The following FLG variants were observed in gnomAD, a reference collection of about 807,000 sequenced individuals.
FLG encodes the protein filaggrin.
A neutral mutation model predicts 3.8 loss-of-function variants in FLG; 6 were observed. The observed-to-expected ratio is 1.60, with a 90% CI of 0.87 to 3.15. The LOEUF (loss-of-function observed/expected upper bound fraction) is 3.15, where lower values mean the gene tolerates loss of function less well. Among genes scored for constraint, FLG ranks in the 30% most tolerant of loss-of-function variants. The pLI, the probability that FLG is intolerant of heterozygous loss-of-function variation, is 0.00. For synonymous variants in FLG, 2,551 were observed against 1,931.6 expected, an observed-to-expected ratio of 1.32 and a Z score of -8.41; for missense variants, 7,595 against 5,050.9, an observed-to-expected ratio of 1.50 and a Z score of -15.27.
In FLG at chr1:152,304,797, G is replaced by T. The variant is rs759647229; in HGVS notation, c.10089C>A (p.Pro3363=). Reference sequence around the variant, plus strand: ...CGGACTCTTGGTGGCTCTGCTGATGGGGCCCAGCCTGTCCATGGCCTGACA... The same window carrying T: ...CGGACTCTTGGTGGCTCTGCTGATGTGGCCCAGCCTGTCCATGGCCTGACA... ...QSVSGHGQAG[P]HQQSHQESAR... The change falls in exon 3 of 3, where the codon CCC becomes CCA. Residue 3363 remains proline, a synonymous_variant. Transcript: ENST00000368799. 1.4e-5 allele frequency: 23 copies of T among 1,613,664 alleles called. No individual in the cohort carries two copies. The East Asian group carries it at 4.9e-4, about 34-fold the overall frequency.
chr1:152,313,329 G>C lies in FLG; in HGVS notation c.1557C>G (p.His519Gln), dbSNP rs750014132. 9.9e-6 allele frequency: 16 copies of C among 1,613,326 alleles called. No homozygotes were observed. The South Asian group carries it at 1.6e-4, about 17-fold the overall frequency. ...SQEGQDTIRGHPGSSRGGRQG... is the reference protein window; with the variant it reads ...SQEGQDTIRGQPGSSRGGRQG... ...GCCTTCCTCCTCTGCTTGACCCCGG[G>C]TGTCCACGAATGGTGTCCTGACCCT... Residue 519 changes from histidine (H) to glutamine (Q), a missense_variant, in exon 3 of 3, where the codon CAC (histidine) becomes CAG (glutamine). Physicochemically the swap from His to Gln is conservative, Grantham distance 24. Coordinates refer to ENST00000368799, the MANE Select transcript of FLG (RefSeq NM_002016.2).
Position 152,302,920 on chromosome 1 carries a change from G to T in FLG, c.11966C>A (p.Ser3989Tyr), listed in dbSNP as rs974892377. The change falls in exon 3 of 3, where the codon TCC becomes TAC. Residue 3989 changes from serine (S) to tyrosine (Y), a missense_variant. By Grantham distance (144) the Ser-to-Tyr change is moderately radical. Coordinates refer to ENST00000368799, the MANE Select transcript of FLG (RefSeq NM_002016.2). Reference sequence around the variant, plus strand: ...TCCGTGCTGAGAGTGTCTAAACCCGGATTCACCATAATCATAATCTGCACT... The same window carrying T: ...TCCGTGCTGAGAGTGTCTAAACCCGTATTCACCATAATCATAATCTGCACT... Reference protein sequence around the residue: ...YGSADYDYGESGFRHSQHGSV... With the variant: ...YGSADYDYGEYGFRHSQHGSV... 3 of 1,614,036 alleles carry T rather than the reference G, an allele frequency of 1.9e-6. No individual in the cohort carries two copies. Among genetic ancestry groups the T allele is most frequent in the African/African-American group, 1.3e-5 (1 of 74,902 alleles).
chr1:152,312,990 T>C lies in FLG; in HGVS notation c.1896A>G (p.Glu632=). The change falls in exon 3 of 3, where the codon GAA becomes GAG. Residue 632 remains glutamate (E), a synonymous_variant. Transcript: ENST00000368799. ...CAGACCCAGACCACCTCTCAGAGTC[T>C]TCTGAGTGTCCCTGACTGTCACTGT... ...SQDSDSQGHS[E]DSERWSGSAS... is the part of the protein sequence containing the mutation. The C allele has an allele frequency of 6.2e-7, 1 of 1,614,014 alleles. No homozygotes were observed. Among genetic ancestry groups the C allele is most frequent in the Non-Finnish European group, 8.5e-7 (1 of 1,180,012 alleles).
At position 152,309,873 on chromosome 1, in the gene FLG, T is replaced by G. The variant is rs760723558; in HGVS notation, c.5013A>C (p.Glu1671Asp). 19 of 1,613,946 alleles carry G rather than the reference T, an allele frequency of 1.2e-5. No homozygotes were observed. In the African/African-American group the frequency reaches 2.3e-4, roughly 19 times the overall value. The change falls in exon 3 of 3, where the codon GAA becomes GAC. Residue 1671 changes from glutamate (E) to aspartate (D), a missense_variant. Physicochemically the swap from Glu to Asp is conservative, Grantham distance 45 (BLOSUM62 2). Coordinates refer to ENST00000368799, the MANE Select transcript of FLG (RefSeq NM_002016.2). ...TTTCTCCTGGACTTGACCTTGCCTG[T>G]TCCTGGGATGATGCAGCCTGTCCAC... The part of the protein sequence containing the change: ...SSGGQAASSQ[E>D]QARSSPGERH...
In FLG at chr1:152,308,666, C is replaced by G. The variant is rs141120727; in HGVS notation, c.6220G>C (p.Glu2074Gln). 18,745 of 1,614,146 alleles carry G rather than the reference C, an allele frequency of 0.012. 155 individuals are homozygous for G. Among genetic ancestry groups the G allele is most frequent in the Non-Finnish European group, 0.014 (16,797 of 1,180,014 alleles). ...KAGPHQQSHK[E>Q]SARGQSGESS... ...TCCCCTGACTGGCCACGTGCGGACT[C>G]TTTGTGGCTCTGCTGATGGGGCCCA... Residue 2074 changes from glutamate (E) to glutamine (Q), a missense_variant, in exon 3 of 3, where the codon GAG becomes CAG. Physicochemically the swap from Glu to Gln is conservative, Grantham distance 29. Coordinates refer to ENST00000368799, the MANE Select transcript of FLG (RefSeq NM_002016.2).
At position 152,310,961 on chromosome 1, in the gene FLG, G is replaced by C; in HGVS notation, c.3925C>G (p.Pro1309Ala). 1 of 1,613,886 alleles carries C rather than the reference G, an allele frequency of 6.2e-7. No individual in the cohort carries two copies. Among genetic ancestry groups the C allele is most frequent in the African/African-American group, 1.3e-5 (1 of 74,924 alleles). ...GCTCTGTCTTCTTGATGGAACCCAG[G>C]GTGTCTGGAGCCATCTCTTGACTGC... ...REQSRDGSRHPGFHQEDRASH... is the reference protein window; with the variant it reads ...REQSRDGSRHAGFHQEDRASH... The change falls in exon 3 of 3, where the codon CCT (proline) becomes GCT (alanine). Residue 1309 changes from proline (P) to alanine (A), a missense_variant. By Grantham distance (27) the Pro-to-Ala change is conservative. Transcript: ENST00000368799.
chr1:152,308,986 T>A lies in FLG; in HGVS notation c.5900A>T (p.His1967Leu). 1 of 1,614,168 alleles carries A rather than the reference T, an allele frequency of 6.2e-7. No homozygotes were observed. Among genetic ancestry groups the A allele is most frequent in the Non-Finnish European group, 8.5e-7 (1 of 1,180,010 alleles). Reference sequence around the variant, plus strand: ...TCTGGAGCTGTCTGCAGAGTGCCCGTGACCGGCTCTGTCTTCGTGATGGGA... The same window carrying A: ...TCTGGAGCTGTCTGCAGAGTGCCCGAGACCGGCTCTGTCTTCGTGATGGGA... ...PGSHHEDRAG[H>L]GHSADSSRQS... The change falls in exon 3 of 3, where the codon CAC (histidine) becomes CTC (leucine). Residue 1967 changes from histidine (H) to leucine (L), a missense_variant. Transcript: ENST00000368799.
rs3120653 is a variant in FLG, at chr1:152,312,378, A to G, written c.2508T>C (p.Asp836=). Residue 836 remains aspartate, a synonymous_variant, in exon 3 of 3, where the codon GAT becomes GAC. Transcript: ENST00000368799. ...GGTGTCCACGAATGGTGTCCTGACCATCTTGGGATGCTGAGTGCCTGGAGT... is the reference window on the plus strand; with the variant it reads ...GGTGTCCACGAATGGTGTCCTGACCGTCTTGGGATGCTGAGTGCCTGGAGT... ...RDNSRHSASQ[D]GQDTIRGHPG... is the part of the protein sequence containing the mutation. 0.22 allele frequency: 357,056 copies of G among 1,611,006 alleles called. 53,231 individuals carry two copies. Among genetic ancestry groups the G allele is most frequent in the East Asian group, 0.62 (27,596 of 44,652 alleles).
In FLG at chr1:152,303,688, C is replaced by T. The variant is rs145299777; in HGVS notation, c.11198G>A (p.Gly3733Glu). ...CTGCTCGTGGCGGGATCCTTGTCTT[C>T]CTCCAGTACTGGGCCCAGCCCGTCC... ...AHGRAGPSTG[G>E]RQGSRHEQAR... The change falls in exon 3 of 3, where the codon GGA (glycine) becomes GAA (glutamate). Residue 3733 changes from glycine to glutamate, a missense_variant. Coordinates refer to ENST00000368799, the MANE Select transcript of FLG (RefSeq NM_002016.2). The T allele has an allele frequency of 1.1e-5, 18 of 1,613,878 alleles. No homozygotes were observed. The highest frequency in any genetic ancestry group is 2.7e-5 in the African/African-American group (2 of 74,888).
chr1:152,310,663 T>C lies in FLG; in HGVS notation c.4223A>G (p.Gln1408Arg), dbSNP rs1224486514. ...AGCTTGTCCGTGGGCTGACACTGACTGTGTGTCTGAGTCTTCTGAATGTCC... is the reference window on the plus strand; with the variant it reads ...AGCTTGTCCGTGGGCTGACACTGACCGTGTGTCTGAGTCTTCTGAATGTCC... ...SEGHSEDSDT[Q>R]SVSAHGQAGP... The change falls in exon 3 of 3, where the codon CAG becomes CGG. Residue 1408 changes from glutamine (Q) to arginine (R), a missense_variant. Physicochemically the swap from Gln to Arg is conservative, Grantham distance 43 (BLOSUM62 1). Transcript: ENST00000368799. 1 of 1,613,996 alleles carries C rather than the reference T, an allele frequency of 6.2e-7. No individual in the cohort carries two copies. Among genetic ancestry groups the C allele is most frequent in the Non-Finnish European group, 8.5e-7 (1 of 1,179,976 alleles).
At position 152,314,124 on chromosome 1, in the gene FLG, G is replaced by A. The variant is rs1415325066; in HGVS notation, c.762C>T (p.Asn254=). Residue 254 remains asparagine, a synonymous_variant, in exon 3 of 3, where the codon AAC becomes AAT. Transcript: ENST00000368799. ...YDTTDSLLEE[N]KIYERSRSSD... ...ATGACCTTGATCTTTCATATATTTT[G>A]TTTTCTTCTAATAGACTATCAGTGG... The A allele has an allele frequency of 1.2e-6, 2 of 1,613,882 alleles. No homozygotes were observed. The highest frequency in any genetic ancestry group is 1.1e-5 in the South Asian group (1 of 91,066).
Position 152,307,459 on chromosome 1 carries a change from G to A in FLG, c.7427C>T (p.Ser2476Phe), listed in dbSNP as rs780111314. The A allele has an allele frequency of 1.2e-6, 2 of 1,613,066 alleles. No individual in the cohort carries two copies. The highest frequency in any genetic ancestry group is 2.2e-5 in the East Asian group (1 of 44,758). The stretch of plus-strand genomic sequence containing the variant: ...TCTATCTACCAATTGCTCGTAGTGG[G>A]ATCCCTGCCTTCCTCCACTGCTTGA... The part of the protein sequence containing the change: ...PGSSSGGRQG[S>F]HYEQLVDRSG... Residue 2476 changes from serine to phenylalanine, a missense_variant, in exon 3 of 3, where the codon TCC (serine) becomes TTC (phenylalanine). Ser to Phe is a radical substitution (Grantham distance 155). Coordinates refer to ENST00000368799, the MANE Select transcript of FLG (RefSeq NM_002016.2).
At position 152,305,217 on chromosome 1, in the gene FLG, T is replaced by C; in HGVS notation, c.9669A>G (p.Gly3223=). ...SSVSQDSDSE[G]HSEDSERWSG... is the part of the protein sequence containing the mutation. The stretch of plus-strand genomic sequence containing the variant: ...ACCACCTCTCAGAGTCTTCTGAATG[T>C]CCCTCACTGTCACTGTCCTGGCTCA... The change falls in exon 3 of 3, where the codon GGA becomes GGG. Residue 3223 remains glycine (G), a synonymous_variant. Transcript: ENST00000368799. 6.2e-7 allele frequency: 1 copy of C among 1,613,352 alleles called. No homozygotes were observed. Among genetic ancestry groups the C allele is most frequent in the Non-Finnish European group, 8.5e-7 (1 of 1,179,848 alleles).
Position 152,313,700 on chromosome 1 carries a change from T to A in FLG, c.1186A>T (p.Arg396Ter). The A allele has an allele frequency of 6.2e-7, 1 of 1,614,112 alleles. No homozygotes were observed. The highest frequency in any genetic ancestry group is 8.5e-7 in the Non-Finnish European group (1 of 1,180,000). Residue 396 changes from arginine to a stop codon, truncating the protein, a stop_gained, in exon 3 of 3, where the codon AGA (arginine) becomes TGA (stop). Transcript: ENST00000368799. LOFTEE classifies it low-confidence loss of function (END_TRUNC). ...TGCCCGCGCCCAGTGGCTGAGTGTC[T>A]GGAGCTGTCTGCTGACTGCTGGTGG... is the stretch of plus-strand genomic sequence containing the variant. ...SGHQQSADSS[R>*]HSATGRGQAS...
intron 1 of FLG, among the ~76,000 whole-genome samples, chr1:152,317,097 C>A (rs76385639): frequency 0.012 from 1,882 of 152,206 alleles, 43 homozygotes; most frequent in African/African-American, 0.043. Flanking sequence ...TGGCACTGAG[C>A]CCCACTCTCT....
rs1652132834 is a variant in FLG at position 152,308,366 on chromosome 1, G to T, written c.6520C>A (p.Gln2174Lys). ...SGSHHSHTTS[Q>K]GRSDASRGQS... Reference sequence around the variant, plus strand: ...CCACGGGAGGCATCAGACCTTCCCTGGGATGTGGTGTGGCTGTGATGAGAC... The same window carrying T: ...CCACGGGAGGCATCAGACCTTCCCTTGGATGTGGTGTGGCTGTGATGAGAC... The change falls in exon 3 of 3, where the codon CAG (glutamine) becomes AAG (lysine). Residue 2174 changes from glutamine (Q) to lysine (K), a missense_variant. By Grantham distance (53) the Gln-to-Lys change is moderately conservative. Coordinates refer to ENST00000368799, the MANE Select transcript of FLG (RefSeq NM_002016.2). 1.2e-6 allele frequency: 2 copies of T among 1,613,484 alleles called. No individual in the cohort carries two copies. The highest frequency in any genetic ancestry group is 1.7e-5 in the Admixed American group (1 of 59,938).
chr1:152,322,078 C>T (rs1280665230), intron 1 of FLG, among the ~76,000 whole-genome samples: 3 of 150,642 alleles, frequency 2.0e-5, no homozygotes, highest in Non-Finnish European at 4.5e-5. Flanking sequence ...TGATAAAATC[C>T]AATATTAATT....
intron 2 of FLG, 29 bp downstream of exon 2, chr1:152,315,290 C>G (rs1652745354): frequency 3.7e-6 from 6 of 1,609,278 alleles, no homozygotes; most frequent in Non-Finnish European, 5.1e-6. Context: ...AACAAATGCT[C>G]TATCTTTGGT....
rs774105195 is a variant in FLG, at chr1:152,310,085, C to T, written c.4801G>A (p.Glu1601Lys). Residue 1601 changes from glutamate (E) to lysine (K), a missense_variant, in exon 3 of 3, where the codon GAG becomes AAG. Coordinates refer to ENST00000368799, the MANE Select transcript of FLG (RefSeq NM_002016.2). ...CTCTCAGAGTCTTCTGAGTGTCCCTCACTGTCCCTGTCCTGACTAACACTG... is the reference window on the plus strand; with the variant it reads ...CTCTCAGAGTCTTCTGAGTGTCCCTTACTGTCCCTGTCCTGACTAACACTG... ...GSSVSQDRDSEGHSEDSERRS... is the reference protein window; with the variant it reads ...GSSVSQDRDSKGHSEDSERRS... 6.2e-7 allele frequency: 1 copy of T among 1,613,992 alleles called. No homozygotes were observed. The highest frequency in any genetic ancestry group is 8.5e-7 in the Non-Finnish European group (1 of 1,180,006).
Sources: allele counts gnomAD v4.1 joint callset (sites outside exome capture counted in the v4.1 genomes callset), GRCh38; gene constraint gnomAD v4.1.1; transcripts MANE v1.5; gene names NCBI Gene and HGNC (gene_info 2026-07-23, HGNC 2026-07-21).